The following CNTNAP2 variants were observed in gnomAD, a reference collection of about 807,000 sequenced individuals.
The protein encoded by CNTNAP2 is contactin associated protein 2.
In CNTNAP2, 98 loss-of-function variants were observed where a neutral mutation model predicts 155.2. The observed-to-expected ratio is 0.63, with a 90% CI of 0.54 to 0.75. The LOEUF (loss-of-function observed/expected upper bound fraction) is 0.75. Among genes scored for constraint, CNTNAP2 ranks in the 30% least tolerant of loss-of-function variants. The pLI is 0.00. For synonymous variants in CNTNAP2, 651 were observed against 631.2 expected (o/e 1.03, Z -0.47); for missense variants, 1,727 against 1,688.1 (o/e 1.02, Z -0.40).
chr7:147,378,092 C>T (rs1796469434), intron 9 of CNTNAP2: 2 of 461,174 alleles, frequency 4.3e-6, no homozygotes, highest in African/African-American at 4.0e-5. Context: ...ACCACTATTA[C>T]TTTTGCACCA....
chr7:147,908,884 T>A (rs964367107), intron 14 of CNTNAP2, among the ~76,000 whole-genome samples: 2 of 152,240 alleles, frequency 1.3e-5, no homozygotes, highest in African/African-American at 4.8e-5. Flanking sequence ...TGCCACTTCC[T>A]TTCTGTGTGA....
intron 3 of CNTNAP2, among the ~76,000 whole-genome samples, chr7:146,990,838 A>G (rs1798195944): frequency 6.6e-6 from 1 of 152,114 alleles, no homozygotes; most frequent in Admixed American, 6.6e-5. Flanking sequence ...GACTTTTTGA[A>G]GTCACCACAC....
At chr7:148,345,056 G>A (rs1009406407) in intron 21 of CNTNAP2, among the ~76,000 whole-genome samples, 5 of 152,174 alleles carry the variant, frequency 3.3e-5, no homozygotes, top group African/African-American at 1.2e-4. Flanking sequence ...TGGTGAGGTG[G>A]ACATTACCAA....
At chr7:147,336,706 G>A (rs1252653417) in intron 9 of CNTNAP2, among the ~76,000 whole-genome samples, 2 of 152,086 alleles carry the variant, frequency 1.3e-5, no homozygotes, top group Non-Finnish European at 2.9e-5. Context: ...TAAATATCTA[G>A]TTCAGTCCTC....
At chr7:146,770,666 T>C (rs1802279491) in intron 1 of CNTNAP2, among the ~76,000 whole-genome samples, 1 of 148,434 alleles carries the variant, frequency 6.7e-6, no homozygotes, top group Admixed American at 6.6e-5. Flanking sequence ...AATTTTTAAA[T>C]TTTTAAAAAT....
chr7:148,347,563 A>T (rs1345844313), intron 21 of CNTNAP2, among the ~76,000 whole-genome samples: 1 of 152,196 alleles, frequency 6.6e-6, no homozygotes, highest in African/African-American at 2.4e-5. Context: ...TCAAAGTCAC[A>T]CCAAGATAAT....
At chr7:147,828,687 T>G in intron 13 of CNTNAP2, among the ~76,000 whole-genome samples, 1 of 152,208 alleles carries the variant, frequency 6.6e-6, no homozygotes, top group Non-Finnish European at 1.5e-5. Flanking sequence ...GAAGCATCTC[T>G]TTCTTCATAA....
At chr7:148,300,705 T>C (rs914046596) in intron 21 of CNTNAP2, among the ~76,000 whole-genome samples, 2 of 152,216 alleles carry the variant, frequency 1.3e-5, no homozygotes, top group Admixed American at 6.5e-5. Context: ...AAACAAAATG[T>C]GGTCTATACG....
At chr7:147,698,408 C>T (rs1316668089) in intron 13 of CNTNAP2, among the ~76,000 whole-genome samples, 1 of 152,148 alleles carries the variant, frequency 6.6e-6, no homozygotes, top group Non-Finnish European at 1.5e-5. Context: ...CATTACATCA[C>T]ATATTTAAAC....
At chr7:148,169,690 G>A (rs556264121) in intron 17 of CNTNAP2, among the ~76,000 whole-genome samples, 74 of 152,240 alleles carry the variant, frequency 4.9e-4, no homozygotes, top group East Asian at 9.7e-4. Flanking sequence ...GGCTGGGCAC[G>A]GTGGCTCACA....
At chr7:146,925,171 A>C (rs1158968511) in intron 3 of CNTNAP2, among the ~76,000 whole-genome samples, 1 of 152,104 alleles carries the variant, frequency 6.6e-6, no homozygotes, top group Non-Finnish European at 1.5e-5. Flanking sequence ...TTTTTTTCTG[A>C]AAATAATGAG....
chr7:147,993,157 T>G (rs1022507928), intron 15 of CNTNAP2, among the ~76,000 whole-genome samples: 2 of 152,200 alleles, frequency 1.3e-5, no homozygotes, highest in African/African-American at 4.8e-5. Context: ...TTTTGGTTTA[T>G]CCAAAGATAC....
At chr7:147,816,633 T>C (rs1442024054) in intron 13 of CNTNAP2, among the ~76,000 whole-genome samples, 2 of 152,152 alleles carry the variant, frequency 1.3e-5, no homozygotes, top group African/African-American at 4.8e-5. Flanking sequence ...AACTACTTGC[T>C]CTGAAAATTG....
At chr7:146,799,818 A>G (rs536653445) in intron 2 of CNTNAP2, among the ~76,000 whole-genome samples, 86 of 152,280 alleles carry the variant, frequency 5.6e-4, no homozygotes, top group African/African-American at 1.8e-3. Context: ...CACTTTTAAA[A>G]TGGGGATCAC....
chr7:147,376,441 T>C (rs1796435279), intron 9 of CNTNAP2, among the ~76,000 whole-genome samples: 1 of 151,992 alleles, frequency 6.6e-6, no homozygotes, highest in South Asian at 2.1e-4. Flanking sequence ...GTTTTGAAAA[T>C]GTTATCTATT....
intron 15 of CNTNAP2, among the ~76,000 whole-genome samples, chr7:147,982,242 C>T (rs1035739530): frequency 4.6e-5 from 7 of 152,120 alleles, no homozygotes; most frequent in Non-Finnish European, 8.8e-5. Flanking sequence ...CTGTACTCCT[C>T]TAGGGATACG....
intron 1 of CNTNAP2, among the ~76,000 whole-genome samples, chr7:146,655,724 T>A (rs1799985920): frequency 6.6e-6 from 1 of 152,162 alleles, no homozygotes; most frequent in Admixed American, 6.6e-5. Flanking sequence ...TTGGAAAATG[T>A]ATTGCTATTT....
intron 15 of CNTNAP2, among the ~76,000 whole-genome samples, chr7:148,077,387 G>T (rs1039027165): frequency 6.6e-6 from 1 of 151,876 alleles, no homozygotes; most frequent in Admixed American, 6.6e-5. Context: ...TTCTACATGT[G>T]TTTCTATCTG....
intron 2 of CNTNAP2, among the ~76,000 whole-genome samples, chr7:146,812,596 G>A (rs1585102258): frequency 6.6e-6 from 1 of 152,014 alleles, no homozygotes; most frequent in Non-Finnish European, 1.5e-5. Flanking sequence ...CAAGGAAGCA[G>A]AGCATAAAAG....
Sources: allele counts gnomAD v4.1 joint callset (sites outside exome capture counted in the v4.1 genomes callset), GRCh38; gene constraint gnomAD v4.1.1; transcripts MANE v1.5; gene names NCBI Gene and HGNC (gene_info 2026-07-23, HGNC 2026-07-21).